CRPPA: variants seen among roughly 807,000 people sequenced by gnomAD.
CRPPA encodes the protein D-ribitol-5-phosphate cytidylyltransferase.
Under a neutral mutation model 52.0 loss-of-function variants are expected in CRPPA, and 43 were observed. That is an observed-to-expected ratio of 0.83 (90% CI 0.65 to 1.07). CRPPA has a LOEUF of 1.07. Ranked by LOEUF, CRPPA falls within the 50% of genes least tolerant of loss-of-function variation. The probability of loss-of-function intolerance (pLI) is 0.00; values close to 1 mark genes in which losing one functional copy is unlikely to be tolerated. For missense variants in CRPPA, 629 were observed against 551.7 expected (o/e 1.14, Z -1.40); for synonymous variants, 250 against 203.5 (o/e 1.23, Z -1.94).
At chr7:16,355,213 T>C (rs1032728741) in intron 3 of CRPPA, among the ~76,000 whole-genome samples, 1 of 152,184 alleles carries the variant, frequency 6.6e-6, no homozygotes, top group Non-Finnish European at 1.5e-5. Flanking sequence ...AACTACCTTC[T>C]TAACTAAAAA....
At chr7:16,388,091 T>C (rs988495532) in intron 2 of CRPPA, among the ~76,000 whole-genome samples, 2 of 152,124 alleles carry the variant, frequency 1.3e-5, no homozygotes, top group African/African-American at 2.4e-5. Flanking sequence ...TCAAGCAACC[T>C]GCCAGCCTCA....
intron 6 of CRPPA, among the ~76,000 whole-genome samples, chr7:16,266,472 TTTTG>T (rs1056318578): frequency 3.5e-5 from 5 of 140,882 alleles, no homozygotes; most frequent in South Asian, 2.2e-4. Context: ...GGCTCCCGTT[TTTTG>T]TTTTTCTTTT....
intron 2 of CRPPA, among the ~76,000 whole-genome samples, chr7:16,398,838 G>C (rs1274039059): frequency 6.6e-6 from 1 of 152,180 alleles, no homozygotes; most frequent in East Asian, 1.9e-4. Context: ...ACACGTGACT[G>C]ACGCGATTTA....
At chr7:16,121,817 T>A (rs1782485899) in intron 9 of CRPPA, among the ~76,000 whole-genome samples, 1 of 151,986 alleles carries the variant, frequency 6.6e-6, no homozygotes, top group African/African-American at 2.4e-5. Flanking sequence ...AAAATAAAAA[T>A]TTAAACCAAA....
At chr7:16,185,575 G>C (rs981692867) in intron 9 of CRPPA, among the ~76,000 whole-genome samples, 2 of 152,142 alleles carry the variant, frequency 1.3e-5, no homozygotes, top group Non-Finnish European at 2.9e-5. Flanking sequence ...TCCTAATCTG[G>C]ATAACCAAGT....
At chr7:16,290,971 C>T (rs552777532) in intron 5 of CRPPA, among the ~76,000 whole-genome samples, 2 of 151,872 alleles carry the variant, frequency 1.3e-5, no homozygotes, top group South Asian at 4.2e-4. Flanking sequence ...GCAAAGGACA[C>T]GAATAGGCAT....
intron 8 of CRPPA, among the ~76,000 whole-genome samples, chr7:16,250,987 C>T (rs1783433333): frequency 6.6e-6 from 1 of 151,666 alleles, no homozygotes; most frequent in South Asian, 2.1e-4. Flanking sequence ...ACCCATCTCA[C>T]ATGCAAAGAC....
In CRPPA at chr7:16,218,005, T is replaced by C. The variant is rs1304831229; in HGVS notation, c.1120-1808A>G. Among the ~76,000 whole-genome samples, 7 of 150,458 alleles carry C rather than the reference T, an allele frequency of 4.7e-5. No homozygotes were observed. In the East Asian group the frequency reaches 9.8e-4, roughly 21 times the overall value. On this transcript the variant is annotated intron_variant, in intron 8 of 9. Coordinates refer to ENST00000407010, the MANE Select transcript of CRPPA (RefSeq NM_001101426.4). ...ACATAATTGTCAGATTCACCAAAGA[T>C]GAAATGAAGGAAAAAATGTTAAGGG... is the stretch of plus-strand genomic sequence containing the variant.
intron 6 of CRPPA, among the ~76,000 whole-genome samples, chr7:16,273,380 A>T (rs940648586): frequency 3.3e-5 from 5 of 152,038 alleles, no homozygotes; most frequent in African/African-American, 7.2e-5. Flanking sequence ...GCAGAGTGGA[A>T]CAGCAGGGGC....
intron 9 of CRPPA, among the ~76,000 whole-genome samples, chr7:16,140,595 T>C (rs1258145728): frequency 1.3e-5 from 2 of 152,262 alleles, no homozygotes; most frequent in Admixed American, 6.5e-5. Flanking sequence ...GAAATACTTC[T>C]GCAGAGCAGT....
At chr7:16,148,702 A>T (rs557770557) in intron 9 of CRPPA, among the ~76,000 whole-genome samples, 1 of 152,266 alleles carries the variant, frequency 6.6e-6, no homozygotes, top group African/African-American at 2.4e-5. Context: ...AGATGGGAGA[A>T]TGAGTTCTAT....
At chr7:16,247,302 CT>C (rs1562582994) in intron 8 of CRPPA, among the ~76,000 whole-genome samples, 1 of 152,194 alleles carries the variant, frequency 6.6e-6, no homozygotes, top group Non-Finnish European at 1.5e-5. Context: ...TTGAAAGTGA[CT>C]GACACAGGAC....
At chr7:16,376,805 T>G (rs1334959162) in intron 2 of CRPPA, among the ~76,000 whole-genome samples, 1 of 152,218 alleles carries the variant, frequency 6.6e-6, no homozygotes, top group Admixed American at 6.5e-5. Context: ...ACCCATTGAC[T>G]TCAATTGCTA....
chr7:16,382,059 G>A (rs923176057), intron 2 of CRPPA, among the ~76,000 whole-genome samples: 5 of 151,842 alleles, frequency 3.3e-5, no homozygotes, highest in Admixed American at 1.3e-4. Flanking sequence ...GATTTTGCTC[G>A]TTAGTTGATG....
chr7:16,231,210 T>C (rs1413614916), intron 8 of CRPPA, among the ~76,000 whole-genome samples: 1 of 152,204 alleles, frequency 6.6e-6, no homozygotes, highest in East Asian at 1.9e-4. Context: ...GGTAACAAAC[T>C]GTCCTTCCTA....
chr7:16,404,006 C>T (rs974973509), intron 2 of CRPPA, among the ~76,000 whole-genome samples: 2 of 152,160 alleles, frequency 1.3e-5, no homozygotes, highest in East Asian at 1.9e-4. Flanking sequence ...CTTCAACATA[C>T]CTTTTTACTT....
intron 5 of CRPPA, among the ~76,000 whole-genome samples, chr7:16,279,520 T>C (rs1784276807): frequency 1.3e-5 from 2 of 152,106 alleles, no homozygotes; most frequent in Non-Finnish European, 2.9e-5. Context: ...AAAAAATAAA[T>C]CTGTAATTCT....
At chr7:16,254,830 A>AAAGAAAGAAAGAAAG (rs1783584860) in intron 8 of CRPPA, among the ~76,000 whole-genome samples, 2 of 148,576 alleles carry the variant, frequency 1.3e-5, no homozygotes, top group African/African-American at 4.9e-5. Context: ...AGAAAGAAAG[A>AAAGAAAGAAAGAAAG]AAGAAAGAAA....
intron 8 of CRPPA, among the ~76,000 whole-genome samples, chr7:16,219,673 A>C (rs1782444592): frequency 8.7e-6 from 1 of 114,960 alleles, no homozygotes; most frequent in African/African-American, 3.0e-5. Flanking sequence ...ACCTCTACGC[A>C]AATAAACTAG....
Sources: allele counts gnomAD v4.1 joint callset (sites outside exome capture counted in the v4.1 genomes callset), GRCh38; gene constraint gnomAD v4.1.1; transcripts MANE v1.5; gene names NCBI Gene and HGNC (gene_info 2026-07-23, HGNC 2026-07-21).